BCL2L14: variants seen among roughly 807,000 people sequenced by gnomAD.
The protein encoded by BCL2L14 is apoptosis facilitator Bcl-2-like protein 14.
A neutral mutation model predicts 35.3 loss-of-function variants in BCL2L14; 27 were observed. The observed-to-expected ratio is 0.76, with a 90% CI of 0.56 to 1.05. The LOEUF (loss-of-function observed/expected upper bound fraction) is 1.05. Ranked by LOEUF, BCL2L14 falls within the 50% of genes least tolerant of loss-of-function variation. The probability of loss-of-function intolerance (pLI) is 0.00; values close to 1 mark genes in which losing one functional copy is unlikely to be tolerated. For synonymous variants in BCL2L14, 139 were observed against 145.9 expected, an observed-to-expected ratio of 0.95 and a Z score of 0.34; for missense variants, 377 against 382.6, an observed-to-expected ratio of 0.99 and a Z score of 0.12.
At chr12:12,087,513 A>T in intron 3 of BCL2L14, 127 bp downstream of exon 3, 1 of 1,068,346 alleles carries the variant, frequency 9.4e-7, no homozygotes, top group Non-Finnish European at 1.4e-6. Context: ...TGACAGCCAC[A>T]GGCTGTGGGC....
chr12:12,061,261 C>T (rs539247839), intron 2 of BCL2L14, among the ~76,000 whole-genome samples: 35 of 151,888 alleles, frequency 2.3e-4, no homozygotes, highest in Non-Finnish European at 4.3e-4. Flanking sequence ...CCCCTTGTAT[C>T]TCCCCACCTT....
chr12:12,071,991 G>C (rs1024890088), intron 1 of BCL2L14, among the ~76,000 whole-genome samples: 1 of 151,974 alleles, frequency 6.6e-6, no homozygotes, highest in South Asian at 2.1e-4. Flanking sequence ...CCGTGGGGAT[G>C]AGTGTCAGTG....
chr12:12,066,693 C>T (rs1038865121), upstream of BCL2L14, among the ~76,000 whole-genome samples: 1 of 151,824 alleles, frequency 6.6e-6, no homozygotes, highest in Non-Finnish European at 1.5e-5. Context: ...CACTTGAAGA[C>T]AAACAAAACA....
At chr12:12,085,631 A>G (rs1949025393) in intron 2 of BCL2L14, among the ~76,000 whole-genome samples, 1 of 152,234 alleles carries the variant, frequency 6.6e-6, no homozygotes, top group African/African-American at 2.4e-5. Context: ...GATGTCCACC[A>G]GAGGATGGCA....
chr12:12,099,056 A>G lies in BCL2L14; in HGVS notation c.*68A>G. 8.8e-7 allele frequency: 1 copy of G among 1,131,580 alleles called. No individual in the cohort carries two copies. Among genetic ancestry groups the G allele is most frequent in the Non-Finnish European group, 1.3e-6 (1 of 742,894 alleles). The allele number at this position is 1,131,580 out of a possible 1,614,324, so 70.1% of individuals were successfully genotyped here. ...TCCTGTGCACGTTGGCCTCAGATGG[A>G]CTACAGGAGATTACAACGTACAAGG... On this transcript the variant is annotated 3_prime_UTR_variant, in exon 6 of 6. Transcript: ENST00000308721.
chr12:12,089,326 G>A (rs530645653), intron 3 of BCL2L14, among the ~76,000 whole-genome samples: 249 of 151,104 alleles, frequency 1.6e-3, no homozygotes, highest in African/African-American at 5.6e-3. Context: ...CCAAGATTAC[G>A]CCATTGCACT....
chr12:12,086,141 T>G (rs1441270014), intron 2 of BCL2L14, among the ~76,000 whole-genome samples: 1 of 151,994 alleles, frequency 6.6e-6, no homozygotes, highest in African/African-American at 2.4e-5. Flanking sequence ...TAGGGAGACC[T>G]TATCTCTAGA....
intron 1 of BCL2L14, among the ~76,000 whole-genome samples, chr12:12,050,170 A>C (rs945700371): frequency 2.0e-5 from 3 of 152,150 alleles, no homozygotes; most frequent in Admixed American, 6.5e-5. Flanking sequence ...GTAGGGAGCA[A>C]AACTGTGATG....
intron 2 of BCL2L14, among the ~76,000 whole-genome samples, chr12:12,084,641 AG>A (rs140501152): frequency 0.29 from 44,124 of 151,984 alleles, 6,766 homozygotes; most frequent in East Asian, 0.51. Context: ...CCTATCAGAC[AG>A]GACCAAGTCT....
intron 2 of BCL2L14, among the ~76,000 whole-genome samples, chr12:12,081,456 C>CAAA (rs531114346): frequency 9.6e-5 from 9 of 93,672 alleles, no homozygotes; most frequent in African/African-American, 3.4e-4. Context: ...ACTCTGTCTC[C>CAAA]AAAAAAAAAA....
chr12:12,077,365 G>A (rs982616801), intron 1 of BCL2L14, among the ~76,000 whole-genome samples: 11 of 152,004 alleles, frequency 7.2e-5, no homozygotes, highest in Non-Finnish European at 1.6e-4. Context: ...AACATAGCGA[G>A]ACCTTGTCTC....
intron 5 of BCL2L14, among the ~76,000 whole-genome samples, chr12:12,098,453 C>T (rs758637329): frequency 3.9e-5 from 6 of 152,186 alleles, no homozygotes; most frequent in Non-Finnish European, 8.8e-5. Context: ...TCAGCCAGTA[C>T]TTGTAGAACG....
chr12:12,089,186 G>T (rs1949114850), intron 3 of BCL2L14, among the ~76,000 whole-genome samples: 1 of 152,136 alleles, frequency 6.6e-6, no homozygotes, highest in South Asian at 2.1e-4. Flanking sequence ...GGCCAACATG[G>T]TGAAACCCCT....
rs895188353 is a variant in BCL2L14 at position 12,094,657 on chromosome 12, T to C, written c.679-7T>C. On this transcript the variant is annotated splice_region_variant and splice_polypyrimidine_tract_variant and intron_variant, in intron 4 of 5. Coordinates refer to ENST00000308721, the MANE Select transcript of BCL2L14 (RefSeq NM_138723.2). ...ACTGTACTGAGTGCTTATTCTTTTG[T>C]ACACAGCTGAAGAAAGATAAGGCTT... 1 of 1,614,064 alleles carries C rather than the reference T, an allele frequency of 6.2e-7. No individual in the cohort carries two copies. The highest frequency in any genetic ancestry group is 1.3e-5 in the African/African-American group (1 of 74,922).
intron 5 of BCL2L14, 21 bp from the exon 6 acceptor site, chr12:12,098,929 G>T (rs1299443776): frequency 1.3e-6 from 2 of 1,543,880 alleles, no homozygotes; most frequent in African/African-American, 2.7e-5. Flanking sequence ...GGAATTTTAA[G>T]AACCTATTTT....
chr12:12,084,178 C>T (rs760669993), intron 2 of BCL2L14, among the ~76,000 whole-genome samples: 2 of 152,150 alleles, frequency 1.3e-5, no homozygotes, highest in African/African-American at 4.8e-5. Flanking sequence ...AGGCTGGTCT[C>T]GAACTCCTGG....
At chr12:12,057,755 T>TTAAAAAAAAAAA (rs1948453725) in intron 2 of BCL2L14, among the ~76,000 whole-genome samples, 4 of 120,340 alleles carry the variant, frequency 3.3e-5, no homozygotes, top group Non-Finnish European at 6.9e-5. Flanking sequence ...AAAACTCCAT[T>TTAAAAAAAAAAA]AAAAAAAAAA....
intron 1 of BCL2L14, among the ~76,000 whole-genome samples, chr12:12,073,424 T>G (rs1948710210): frequency 6.6e-6 from 1 of 152,140 alleles, no homozygotes; most frequent in South Asian, 2.1e-4. Flanking sequence ...ATCTCACATT[T>G]TACTAAATGG....
upstream of BCL2L14, among the ~76,000 whole-genome samples, chr12:12,066,632 T>C (rs1450331752): frequency 2.0e-5 from 3 of 152,052 alleles, no homozygotes; most frequent in Admixed American, 2.0e-4. Context: ...CAATAGAAAA[T>C]GTGAGCAAAG....
Sources: gnomAD v4.1 joint callset for allele counts (sites outside exome capture counted in the v4.1 genomes callset) on GRCh38, gnomAD v4.1.1 for gene constraint, MANE v1.5 for transcripts, NCBI Gene and HGNC (gene_info 2026-07-23, HGNC 2026-07-21) for gene names.